Variants in ADK observed in about 807,000 individuals in gnomAD.
ADK encodes the protein adenosine kinase, also known as N6,N6-dimethyladenosine kinase.
Under a neutral mutation model 44.7 loss-of-function variants are expected in ADK, and 24 were observed. That is an observed-to-expected ratio of 0.54 (90% CI 0.39 to 0.76). ADK has a LOEUF of 0.76. ADK is among the 30% of genes least tolerant of loss of function. ADK has a pLI of 0.00. For missense variants in ADK, 321 were observed against 425.1 expected, an observed-to-expected ratio of 0.76 and a Z score of 2.15; for synonymous variants, 128 against 142.6, an observed-to-expected ratio of 0.90 and a Z score of 0.73.
At chr10:74,218,324 G>A (rs1844146054) in intron 2 of ADK, among the ~76,000 whole-genome samples, 1 of 152,100 alleles carries the variant, frequency 6.6e-6, no homozygotes, top group South Asian at 2.1e-4. Context: ...AGAGAAAAAA[G>A]AATAAAAAGA....
chr10:74,703,631 A>G (rs1856507594), intron 10 of ADK, among the ~76,000 whole-genome samples: 1 of 152,262 alleles, frequency 6.6e-6, no homozygotes. Context: ...ATCCTGAACT[A>G]GACTCTGTTC....
chr10:74,401,092 A>G (rs575447468), intron 6 of ADK, among the ~76,000 whole-genome samples: 3 of 152,274 alleles, frequency 2.0e-5, no homozygotes, highest in African/African-American at 7.2e-5. Context: ...CAGTTTTTCC[A>G]TGTTTAAACC....
intron 3 of ADK, among the ~76,000 whole-genome samples, chr10:74,299,139 A>G (rs189172608): frequency 1.9e-3 from 294 of 152,230 alleles, no homozygotes; most frequent in Non-Finnish European, 3.5e-3. Flanking sequence ...TTGAGAAAAC[A>G]CTAATTCAGC....
chr10:74,399,789 G>A (rs1213073861), intron 6 of ADK, among the ~76,000 whole-genome samples: 1 of 151,910 alleles, frequency 6.6e-6, no homozygotes, highest in Non-Finnish European at 1.5e-5. Context: ...TTTAGAATTT[G>A]GCATAATTTA....
chr10:74,259,918 A>G (rs1845978787), intron 3 of ADK, among the ~76,000 whole-genome samples: 1 of 152,118 alleles, frequency 6.6e-6, no homozygotes, highest in Admixed American at 6.6e-5. Context: ...GTATTCCTTT[A>G]TAAGAATGTT....
intron 4 of ADK, among the ~76,000 whole-genome samples, chr10:74,322,817 C>T (rs1018364492): frequency 6.6e-6 from 1 of 151,466 alleles, no homozygotes; most frequent in Non-Finnish European, 1.5e-5. Context: ...TCTTTCCCTT[C>T]TCCTCCTACC....
chr10:74,668,324 G>A (rs2134190657), intron 9 of ADK, among the ~76,000 whole-genome samples: 1 of 151,976 alleles, frequency 6.6e-6, no homozygotes, highest in African/African-American at 2.4e-5. Context: ...ATAGTAGTTT[G>A]TGCTATATAT....
chr10:74,576,661 A>G (rs1851194000), intron 7 of ADK, among the ~76,000 whole-genome samples: 1 of 152,166 alleles, frequency 6.6e-6, no homozygotes, highest in African/African-American at 2.4e-5. Context: ...ATCATAAGTC[A>G]GATGGCTGTT....
chr10:74,219,057 A>G (rs2132223272), intron 2 of ADK, among the ~76,000 whole-genome samples: 1 of 152,322 alleles, frequency 6.6e-6, no homozygotes, highest in Admixed American at 6.5e-5. Flanking sequence ...TGCTCCAATT[A>G]AAAGACACAG....
At position 74,566,201 on chromosome 10, in the gene ADK, CTTTTT is replaced by C. The variant is rs772254919; in HGVS notation, c.727-23063_727-23059del. ...TCATGTTTTTATTTTCTCTCTCTCT[CTTTTT>C]TTTTTTTTTTTTTTTTTGTGGAGAC... is the stretch of plus-strand genomic sequence containing the variant. On this transcript the variant is annotated intron_variant, in intron 7 of 10. Coordinates refer to ENST00000539909, the MANE Select transcript of ADK (RefSeq NM_006721.4). Among the ~76,000 whole-genome samples, 293 of 113,970 alleles carry C rather than the reference CTTTTT, an allele frequency of 2.6e-3. 1 individual carries two copies. The highest frequency in any genetic ancestry group is 0.011 in the African/African-American group (276 of 24,216). The allele number at this position is 113,970 out of a possible 152,430, so 74.8% of individuals were successfully genotyped here.
At chr10:74,417,673 C>T (rs1844419096) in intron 6 of ADK, among the ~76,000 whole-genome samples, 2 of 151,598 alleles carry the variant, frequency 1.3e-5, no homozygotes, top group African/African-American at 2.4e-5. Flanking sequence ...TCTGACATGC[C>T]ATGTTAATTT....
At chr10:74,282,775 A>G (rs780682573) in intron 3 of ADK, among the ~76,000 whole-genome samples, 3 of 152,216 alleles carry the variant, frequency 2.0e-5, no homozygotes, top group Non-Finnish European at 4.4e-5. Context: ...AGGTTTAATG[A>G]TATCTTCTAG....
At chr10:74,194,829 TG>T (rs1041639206) in intron 1 of ADK, among the ~76,000 whole-genome samples, 4 of 152,190 alleles carry the variant, frequency 2.6e-5, no homozygotes, top group Admixed American at 6.5e-5. Context: ...AGATGACTGG[TG>T]TAACAGTTAA....
intron 9 of ADK, among the ~76,000 whole-genome samples, chr10:74,602,596 G>A (rs926139018): frequency 5.3e-5 from 8 of 152,126 alleles, no homozygotes; most frequent in African/African-American, 1.9e-4. Flanking sequence ...CCATTCTTAG[G>A]AATGCTTACA....
At chr10:74,346,853 A>T (rs1841783479) in intron 4 of ADK, among the ~76,000 whole-genome samples, 1 of 152,066 alleles carries the variant, frequency 6.6e-6, no homozygotes, top group Admixed American at 6.6e-5. Flanking sequence ...TGAGCCTGTA[A>T]TTCCAGCAGT....
At chr10:74,199,732 C>T (rs1445377731) in intron 1 of ADK, among the ~76,000 whole-genome samples, 4 of 151,806 alleles carry the variant, frequency 2.6e-5, no homozygotes, top group Admixed American at 6.6e-5. Flanking sequence ...CAGGCTGGAG[C>T]GCAGTGGCAC....
chr10:74,620,262 GCCT>G (rs1375275522), intron 9 of ADK, among the ~76,000 whole-genome samples: 1 of 151,790 alleles, frequency 6.6e-6, no homozygotes, highest in Admixed American at 6.6e-5. Flanking sequence ...TCTCCCTATT[GCCT>G]CCTCCTTCTT....
chr10:74,408,592 C>T (rs1386397381), intron 6 of ADK, among the ~76,000 whole-genome samples: 1 of 152,160 alleles, frequency 6.6e-6, no homozygotes, highest in Non-Finnish European at 1.5e-5. Flanking sequence ...CGAAAATCCA[C>T]ATACAATGTT....
At chr10:74,230,871 A>G (rs534489962) in intron 3 of ADK, among the ~76,000 whole-genome samples, 31 of 152,006 alleles carry the variant, frequency 2.0e-4, no homozygotes, top group Admixed American at 6.5e-4. Context: ...TAGTAGAGAC[A>G]GGGTTTCACC....
Sources: allele counts gnomAD v4.1 joint callset (sites outside exome capture counted in the v4.1 genomes callset), GRCh38; gene constraint gnomAD v4.1.1; transcripts MANE v1.5; gene names NCBI Gene and HGNC (gene_info 2026-07-23, HGNC 2026-07-21).